The following SYNE2 variants were observed in gnomAD, a reference collection of about 807,000 sequenced individuals.
SYNE2 encodes nesprin-2.
SYNE2 carries 431 observed loss-of-function variants against 856.3 expected under a neutral mutation model. The ratio of observed to expected loss-of-function variants is 0.50; its 90% confidence interval spans 0.47 to 0.55. The LOEUF is 0.55. SYNE2 is among the 20% of genes least tolerant of loss of function. SYNE2 has a pLI of 0.00. For missense variants in SYNE2, 8,129 were observed against 8,023.2 expected, an observed-to-expected ratio of 1.01 and a Z score of -0.50; for synonymous variants, 2,923 against 2,872.3, an observed-to-expected ratio of 1.02 and a Z score of -0.56.
At chr14:63,903,438 T>G (rs2095364372) in intron 1 of SYNE2, among the ~76,000 whole-genome samples, 2 of 151,894 alleles carry the variant, frequency 1.3e-5, no homozygotes, top group African/African-American at 4.8e-5. Flanking sequence ...TCTTAATTGG[T>G]TTTTTTTGGG....
chr14:64,072,221 A>G (rs1471119636), intron 52 of SYNE2, among the ~76,000 whole-genome samples: 1 of 152,234 alleles, frequency 6.6e-6, no homozygotes, highest in Non-Finnish European at 1.5e-5. Context: ...TCACTGGGTC[A>G]AAGAATATAG....
rs61984135 is a variant in SYNE2 at position 64,072,329 on chromosome 14, G to A, written c.10697+1419G>A. Among the ~76,000 whole-genome samples, 858 of 152,228 alleles carry A rather than the reference G, an allele frequency of 5.6e-3. 10 individuals carry two copies. Among genetic ancestry groups the A allele is most frequent in the Non-Finnish European group, 9.4e-3 (640 of 68,008 alleles). The stretch of plus-strand genomic sequence containing the variant: ...ACAAAGCACTTCTGACACCATGTTG[G>A]TTATGGGGGTTCCCCACACATCAGG... On this transcript the variant is annotated intron_variant, in intron 52 of 115. Coordinates refer to ENST00000555002, the MANE Select transcript of SYNE2 (RefSeq NM_182914.3).
At chr14:63,979,330 G>A (rs1041156727) in intron 14 of SYNE2, among the ~76,000 whole-genome samples, 2 of 152,146 alleles carry the variant, frequency 1.3e-5, no homozygotes, top group South Asian at 4.1e-4. Flanking sequence ...TACTTGAAAT[G>A]TTAATTTTTG....
chr14:64,006,519 A>C (rs2096797383), intron 30 of SYNE2, among the ~76,000 whole-genome samples: 1 of 152,130 alleles, frequency 6.6e-6, no homozygotes, highest in African/African-American at 2.4e-5. Flanking sequence ...TATTTATTTA[A>C]AGCACCAAAT....
At chr14:64,203,819 C>T (rs748796698) in intron 100 of SYNE2, among the ~76,000 whole-genome samples, 1 of 152,202 alleles carries the variant, frequency 6.6e-6, no homozygotes, top group Non-Finnish European at 1.5e-5. Context: ...ACACCACATA[C>T]CACAGGTGCT....
chr14:63,842,472 T>C lies in SYNE2; in HGVS notation c.-304-10029T>C, dbSNP rs528398399. Among the ~76,000 whole-genome samples, 169 of 151,456 alleles carry C rather than the reference T, an allele frequency of 1.1e-3. 2 individuals carry two copies. Among genetic ancestry groups the C allele is most frequent in the Non-Finnish European group, 9.4e-4 (64 of 67,820 alleles). ...CATTTTTCTTTTTCTCCTTTTTTTT[T>C]TTATTGATACAGAGTCTTGCTCTTG... On this transcript the variant is annotated intron_variant, in intron 1 of 23. Coordinates refer to the SYNE2 transcript ENST00000674003.
At chr14:63,945,282 C>T (rs915073810) in intron 6 of SYNE2, among the ~76,000 whole-genome samples, 2 of 152,064 alleles carry the variant, frequency 1.3e-5, no homozygotes, top group Non-Finnish European at 2.9e-5. Context: ...TTGCCAGCAT[C>T]CCTAAGTGCC....
intron 54 of SYNE2, among the ~76,000 whole-genome samples, chr14:64,077,235 CAT>C (rs2097470388): frequency 6.6e-6 from 1 of 152,238 alleles, no homozygotes; most frequent in Admixed American, 6.5e-5. Context: ...CAAATGGCTA[CAT>C]ATGTTTCCTA....
At chr14:63,944,352 T>C (rs943881804) in intron 6 of SYNE2, among the ~76,000 whole-genome samples, 1 of 149,514 alleles carries the variant, frequency 6.7e-6, no homozygotes, top group African/African-American at 2.4e-5. Flanking sequence ...AGTACTATAT[T>C]TCACTAATGG....
intron 2 of SYNE2, among the ~76,000 whole-genome samples, chr14:63,936,408 G>A (rs76312876): frequency 0.061 from 9,237 of 152,210 alleles, 328 homozygotes; most frequent in Admixed American, 0.1. Flanking sequence ...AAGAGGGATC[G>A]GGAGTTGGGG....
Position 64,087,651 on chromosome 14 carries a change from C to G in SYNE2, c.11485-20C>G. ...GATCTTGATGTTTCTCTCTATTTTTCCCATTCTGTGTTTATCTAGATGGCT... is the reference window on the plus strand; with the variant it reads ...GATCTTGATGTTTCTCTCTATTTTTGCCATTCTGTGTTTATCTAGATGGCT... On this transcript the variant is annotated intron_variant, in intron 57 of 115. Transcript: ENST00000555002. The G allele has an allele frequency of 6.2e-7, 1 of 1,612,602 alleles. No homozygotes were observed. The highest frequency in any genetic ancestry group is 8.5e-7 in the Non-Finnish European group (1 of 1,178,918).
At chr14:63,972,946 C>T (rs2096491320) in intron 11 of SYNE2, among the ~76,000 whole-genome samples, 1 of 152,190 alleles carries the variant, frequency 6.6e-6, no homozygotes, top group African/African-American at 2.4e-5. Context: ...TACATGCTAA[C>T]TTGTTTATTT....
At chr14:63,814,484 C>CATATA (rs977598838) in intron 1 of SYNE2, among the ~76,000 whole-genome samples, 4 of 30,330 alleles carry the variant, frequency 1.3e-4, no homozygotes, top group Non-Finnish European at 1.7e-4. Context: ...AATATATATC[C>CATATA]TTATATATAT....
intron 38 of SYNE2, 187 bp from the exon 39 acceptor site, chr14:64,024,070 C>T: frequency 1.8e-6 from 1 of 565,316 alleles, no homozygotes; most frequent in South Asian, 1.9e-5. Flanking sequence ...GATGTAATTC[C>T]CAAGAAGTCA....
rs565693548 is a variant in SYNE2 at position 64,082,625 on chromosome 14, AC to A, written c.11484+1049del. The stretch of plus-strand genomic sequence containing the variant: ...ACAACCTGAATGATCTTCAAAGAGA[AC>A]CCCAAGCTCCAGATGGCACCGGACT... On this transcript the variant is annotated intron_variant, in intron 57 of 115. Coordinates refer to ENST00000555002, the MANE Select transcript of SYNE2 (RefSeq NM_182914.3). 6.8e-4 allele frequency among the ~76,000 whole-genome samples: 104 copies of A among 152,194 alleles called. 3 individuals are homozygous for A. In the South Asian group the frequency reaches 0.02, roughly 29 times the overall value.
intron 11 of SYNE2, among the ~76,000 whole-genome samples, chr14:63,975,419 ACCT>A (rs1405738030): frequency 2.6e-5 from 4 of 152,004 alleles, no homozygotes; most frequent in African/African-American, 9.7e-5. Flanking sequence ...TGTAGCCTTG[ACCT>A]CCTGGGCTCA....
In SYNE2 at chr14:64,082,064, C is replaced by T. The variant is rs148708727; in HGVS notation, c.11484+484C>T. On this transcript the variant is annotated intron_variant, in intron 57 of 115. Coordinates refer to ENST00000555002, the MANE Select transcript of SYNE2 (RefSeq NM_182914.3). ...TCGCACCACTGCACTCCAGCCTGGGCGACAAAGCAAGACTCCGTCTCAAAA... is the reference window on the plus strand; with the variant it reads ...TCGCACCACTGCACTCCAGCCTGGGTGACAAAGCAAGACTCCGTCTCAAAA... 6.1e-4 allele frequency among the ~76,000 whole-genome samples: 92 copies of T among 150,974 alleles called. 2 individuals are homozygous for T. In the South Asian group the frequency reaches 0.012, roughly 20 times the overall value.
At position 63,962,827 on chromosome 14, in the gene SYNE2, C is replaced by T. The variant is rs962556060; in HGVS notation, c.889-1072C>T. 3.9e-5 allele frequency among the ~76,000 whole-genome samples: 6 copies of T among 152,208 alleles called. No individual in the cohort carries two copies. The East Asian group carries it at 1.2e-3, about 29-fold the overall frequency. ...AAAGTGCTGGATTATAGGCGAGCCA[C>T]TGTGCCCAGCCTTGAATTACTATTA... On this transcript the variant is annotated intron_variant, in intron 9 of 115. Coordinates refer to ENST00000555002, the MANE Select transcript of SYNE2 (RefSeq NM_182914.3).
Position 64,214,654 on chromosome 14 carries a change from C to T in SYNE2, c.19333+184C>T, listed in dbSNP as rs555889726. Reference sequence around the variant, plus strand: ...CCTGAGAATTGGCTCACTCTCATCACAGGTGGAATGAAAGGGGGAAAAAAA... The same window carrying T: ...CCTGAGAATTGGCTCACTCTCATCATAGGTGGAATGAAAGGGGGAAAAAAA... On this transcript the variant is annotated intron_variant, in intron 106 of 115. Transcript: ENST00000555002. 1.1e-5 allele frequency: 7 copies of T among 629,752 alleles called. 1 individual carries two copies. In the South Asian group the frequency reaches 1.4e-4, roughly 12 times the overall value. 39.0% of individuals were successfully genotyped at this position (629,752 alleles called of 1,614,324 possible).
Sources: allele counts gnomAD v4.1 joint callset (sites outside exome capture counted in the v4.1 genomes callset), GRCh38; gene constraint gnomAD v4.1.1; transcripts MANE v1.5; gene names NCBI Gene and HGNC (gene_info 2026-07-23, HGNC 2026-07-21).